Variants in DGKB observed in about 807,000 individuals in gnomAD.
DGKB encodes 90 kDa diacylglycerol kinase.
Under a neutral mutation model 114.3 loss-of-function variants are expected in DGKB, and 67 were observed. The observed-to-expected ratio is 0.59, with a 90% CI of 0.48 to 0.72. DGKB has a LOEUF of 0.72. Among genes scored for constraint, DGKB ranks in the 30% least tolerant of loss-of-function variants. DGKB has a pLI of 0.00. For missense variants in DGKB, 907 were observed against 975.2 expected (o/e 0.93, Z 0.93); for synonymous variants, 398 against 323.1 (o/e 1.23, Z -2.49).
chr7:14,440,950 T>C (rs1830004775), intron 21 of DGKB, among the ~76,000 whole-genome samples: 1 of 152,176 alleles, frequency 6.6e-6, no homozygotes, highest in Admixed American at 6.6e-5. Flanking sequence ...TTTTATATGA[T>C]TTTTCCTAAT....
At chr7:14,184,405 C>T (rs537490786) in intron 23 of DGKB, among the ~76,000 whole-genome samples, 26 of 152,124 alleles carry the variant, frequency 1.7e-4, no homozygotes, top group Non-Finnish European at 3.4e-4. Context: ...GTCTCACCTT[C>T]TGCCTGGAAA....
intron 25 of DGKB, among the ~76,000 whole-genome samples, chr7:14,154,962 T>A (rs1017418989): frequency 2.0e-5 from 3 of 151,946 alleles, no homozygotes; most frequent in Non-Finnish European, 4.4e-5. Flanking sequence ...GTTCTCCAAA[T>A]GTGATCCACA....
chr7:14,202,639 T>A (rs1786087465), intron 23 of DGKB, among the ~76,000 whole-genome samples: 1 of 152,112 alleles, frequency 6.6e-6, no homozygotes, highest in South Asian at 2.1e-4. Flanking sequence ...AAAAAAATAT[T>A]ATATAGAACT....
chr7:14,180,239 T>C (rs1782431773), intron 23 of DGKB, among the ~76,000 whole-genome samples: 1 of 152,192 alleles, frequency 6.6e-6, no homozygotes, highest in Non-Finnish European at 1.5e-5. Flanking sequence ...GATCTGAAAC[T>C]GGTTGATGGG....
At chr7:14,458,215 A>G (rs1426833361) in intron 21 of DGKB, among the ~76,000 whole-genome samples, 1 of 152,216 alleles carries the variant, frequency 6.6e-6, no homozygotes, top group African/African-American at 2.4e-5. Flanking sequence ...ATAAAATTAG[A>G]TCCCCAAATT....
At chr7:14,662,177 C>T (rs569232129) in intron 13 of DGKB, among the ~76,000 whole-genome samples, 1 of 149,910 alleles carries the variant, frequency 6.7e-6, no homozygotes, top group Non-Finnish European at 1.5e-5. Context: ...GCATGTTGTG[C>T]ACATGTACCC....
intron 17 of DGKB, among the ~76,000 whole-genome samples, chr7:14,589,019 T>C (rs951898446): frequency 6.6e-6 from 1 of 152,114 alleles, no homozygotes; most frequent in African/African-American, 2.4e-5. Context: ...GTTTCCTTAT[T>C]CATGAATGTA....
intron 1 of DGKB, among the ~76,000 whole-genome samples, chr7:14,959,093 AG>A (rs1197071573): frequency 6.6e-6 from 1 of 152,130 alleles, no homozygotes; most frequent in African/African-American, 2.4e-5. Flanking sequence ...ACAGGAGGAC[AG>A]TTGGATAAAG....
chr7:14,584,923 G>A (rs926241575), intron 17 of DGKB, among the ~76,000 whole-genome samples: 20 of 152,190 alleles, frequency 1.3e-4, no homozygotes, highest in African/African-American at 4.8e-4. Flanking sequence ...GCCTCCCAAA[G>A]TGCTGGGATT....
At chr7:14,166,093 G>C (rs955796674) in intron 25 of DGKB, among the ~76,000 whole-genome samples, 1 of 152,124 alleles carries the variant, frequency 6.6e-6, no homozygotes, top group Non-Finnish European at 1.5e-5. Context: ...TAGTCTAAAA[G>C]TGTCTTATAC....
At chr7:14,691,092 A>G (rs1822781536) in intron 9 of DGKB, among the ~76,000 whole-genome samples, 1 of 152,232 alleles carries the variant, frequency 6.6e-6, no homozygotes, top group African/African-American at 2.4e-5. Flanking sequence ...TGGTACCAAA[A>G]TAGATATTCT....
intron 14 of DGKB, among the ~76,000 whole-genome samples, chr7:14,624,298 G>A (rs1398806489): frequency 6.6e-6 from 1 of 152,104 alleles, no homozygotes; most frequent in African/African-American, 2.4e-5. Flanking sequence ...TCAATATTTT[G>A]TAAAAATCTG....
At chr7:14,772,490 A>C (rs1352595396) in intron 2 of DGKB, among the ~76,000 whole-genome samples, 1 of 152,348 alleles carries the variant, frequency 6.6e-6, no homozygotes, top group East Asian at 1.9e-4. Context: ...AAGAATTTTT[A>C]TGAAATACAC....
At chr7:14,833,747 T>G (rs897427818) in intron 2 of DGKB, among the ~76,000 whole-genome samples, 2 of 152,108 alleles carry the variant, frequency 1.3e-5, no homozygotes, top group Non-Finnish European at 2.9e-5. Flanking sequence ...CACATCAAGT[T>G]CTTCCCTGAT....
intron 2 of DGKB, among the ~76,000 whole-genome samples, chr7:14,799,354 G>A (rs1841834653): frequency 6.6e-6 from 1 of 152,180 alleles, no homozygotes; most frequent in African/African-American, 2.4e-5. Context: ...CAGGGATCTT[G>A]ATCACCTTTC....
At chr7:14,733,008 A>G (rs551755612) in intron 5 of DGKB, among the ~76,000 whole-genome samples, 1 of 152,338 alleles carries the variant, frequency 6.6e-6, no homozygotes. Flanking sequence ...ATAGAATTAA[A>G]TACAGGACAA....
chr7:14,503,321 T>A (rs1786499114), intron 20 of DGKB, among the ~76,000 whole-genome samples: 1 of 152,156 alleles, frequency 6.6e-6, no homozygotes, highest in Admixed American at 6.6e-5. Context: ...GTGTCTGTCA[T>A]CTCCAAGACT....
intron 23 of DGKB, among the ~76,000 whole-genome samples, chr7:14,271,907 G>A (rs1798323948): frequency 6.6e-6 from 1 of 152,186 alleles, no homozygotes; most frequent in African/African-American, 2.4e-5. Context: ...TTTTGCTAAT[G>A]AGGATAAAGA....
At chr7:14,647,700 G>C (rs1417155555) in intron 13 of DGKB, among the ~76,000 whole-genome samples, 1 of 152,194 alleles carries the variant, frequency 6.6e-6, no homozygotes, top group Non-Finnish European at 1.5e-5. Context: ...CGACGCAGAA[G>C]ACGGGTGATT....
Sources: allele counts gnomAD v4.1 joint callset (sites outside exome capture counted in the v4.1 genomes callset), GRCh38; gene constraint gnomAD v4.1.1; transcripts MANE v1.5; gene names NCBI Gene and HGNC (gene_info 2026-07-23, HGNC 2026-07-21).